Variants in SBK2 observed in about 807,000 individuals in gnomAD.
SBK2 encodes SH3 domain binding kinase family member 2.
SBK2 carries 18 observed loss-of-function variants against 15.9 expected under a neutral mutation model. That is an observed-to-expected ratio of 1.13 (90% CI 0.78 to 1.68). SBK2 has a LOEUF of 1.68. Among genes scored for constraint, SBK2 ranks in the 40% most tolerant of loss-of-function variants. The pLI is 0.00. For synonymous variants in SBK2, 284 were observed against 246.8 expected, an observed-to-expected ratio of 1.15 and a Z score of -1.41; for missense variants, 581 against 510.9, an observed-to-expected ratio of 1.14 and a Z score of -1.32.
Position 55,530,015 on chromosome 19 carries a change from G to A in SBK2, c.765C>T (p.Cys255=), listed in dbSNP as rs1277130097. Residue 255 remains cysteine, a synonymous_variant, in exon 4 of 4, where the codon TGC becomes TGT. Transcript: ENST00000413299. The stretch of plus-strand genomic sequence containing the variant: ...CCCAGGGGAAGTAGCCCGTGAGGAG[G>A]CAGAAGAGCAGGACGCCCAGCGCCC... ...DAWALGVLLF[C]LLTGYFPWDR... The A allele has an allele frequency of 1.3e-6, 2 of 1,514,348 alleles. No homozygotes were observed. Among genetic ancestry groups the A allele is most frequent in the African/African-American group, 1.4e-5 (1 of 70,284 alleles). The allele number at this position is 1,514,348 out of a possible 1,614,324, so 93.8% of individuals were successfully genotyped here.
intron 2 of SBK2, among the ~76,000 whole-genome samples, chr19:55,534,900 C>T (rs1159222785): frequency 1.3e-5 from 2 of 151,670 alleles, no homozygotes; most frequent in Non-Finnish European, 2.9e-5. Context: ...TGGCATGCAC[C>T]TGTAATCCCA....
In SBK2 at chr19:55,528,908, T is replaced by G. The variant is rs933377198; in HGVS notation, c.*825A>C. ...CAAAATAACCACAAAAAATAAGCCA[T>G]GCAGTTAGAAGAGGATACACGTCCT... On this transcript the variant is annotated 3_prime_UTR_variant, in exon 4 of 4. Transcript: ENST00000413299. 6.6e-6 allele frequency among the ~76,000 whole-genome samples: 1 copy of G among 152,122 alleles called. No homozygotes were observed. The highest frequency in any genetic ancestry group is 1.5e-5 in the Non-Finnish European group (1 of 68,030).
In SBK2 at chr19:55,531,317, C is replaced by G. The variant is rs780677570; in HGVS notation, c.282G>C (p.Pro94=). The change falls in exon 3 of 4, where the codon CCG becomes CCC. Residue 94 remains proline (P), a synonymous_variant. Transcript: ENST00000413299. ...AGCCACGGAGGGACGTGCGGGGTTT[C>G]GGGAGCTGCTTCAGTGCCAGGGGTG... ...KGTPLALKQL[P]KPRTSLRGFL... is the part of the protein sequence containing the mutation. 60 of 1,610,448 alleles carry G rather than the reference C, an allele frequency of 3.7e-5. No homozygotes were observed. The East Asian group carries it at 1.3e-3, about 36-fold the overall frequency.
Position 55,531,298 on chromosome 19 carries a change from G to A in SBK2, c.301C>T (p.Arg101Cys), listed in dbSNP as rs368137543. The change falls in exon 3 of 4, where the codon CGT becomes TGT. Residue 101 changes from arginine (R) to cysteine (C), a missense_variant. Arg to Cys is a radical substitution (Grantham distance 180, BLOSUM62 -3). Coordinates refer to ENST00000413299, the MANE Select transcript of SBK2 (RefSeq NM_001370096.2). ...ACACAGAACTCGTACAGGAAGCCAC[G>A]GAGGGACGTGCGGGGTTTCGGGAGC... ...KQLPKPRTSL[R>C]GFLYEFCVGL... The A allele has an allele frequency of 1.2e-5, 20 of 1,613,064 alleles. No individual in the cohort carries two copies. The African/African-American group carries it at 1.6e-4, about 13-fold the overall frequency.
intron 1 of SBK2, 33 bp from the exon 2 acceptor site, chr19:55,536,329 G>A (rs1227556312): frequency 7.1e-7 from 1 of 1,411,952 alleles, no homozygotes; most frequent in East Asian, 2.8e-5. Flanking sequence ...CCAGGCTCAG[G>A]TCCCAGGCCC....
intron 2 of SBK2, 147 bp downstream of exon 2, chr19:55,535,895 A>G: frequency 3.7e-6 from 3 of 804,122 alleles, no homozygotes; most frequent in Non-Finnish European, 5.2e-6. Flanking sequence ...CCAACCAACC[A>G]AAAGAACAAA....
chr19:55,536,011 C>A, intron 2 of SBK2, 31 bp downstream of exon 2: 1 of 1,425,656 alleles, frequency 7.0e-7, no homozygotes, highest in Non-Finnish European at 9.2e-7. Flanking sequence ...CCCAGCTGAA[C>A]CCTGCCACCT....
intron 2 of SBK2, among the ~76,000 whole-genome samples, chr19:55,531,952 C>G (rs373254072): frequency 7.3e-6 from 1 of 137,448 alleles, no homozygotes; most frequent in South Asian, 2.5e-4. Context: ...GCACTCCAGC[C>G]TGGGGGACAG....
rs772810854 is a variant in SBK2, at chr19:55,528,613, T to C, written c.*1120A>G. Among the ~76,000 whole-genome samples the C allele has an allele frequency of 5.3e-5, 8 of 152,282 alleles. No homozygotes were observed. The South Asian group carries it at 8.3e-4, about 16-fold the overall frequency. Reference sequence around the variant, plus strand: ...ACAGACTCGCAGCAGCACTGGGATCTGAGCGCCAGATGGAGTTTATTTGCA... The same window carrying C: ...ACAGACTCGCAGCAGCACTGGGATCCGAGCGCCAGATGGAGTTTATTTGCA... On this transcript the variant is annotated 3_prime_UTR_variant, in exon 4 of 4. Transcript: ENST00000413299.
At chr19:55,535,872 G>A (rs2123481932) in intron 2 of SBK2, among the ~76,000 whole-genome samples, 170 bp downstream of exon 2, 1 of 152,324 alleles carries the variant, frequency 6.6e-6, no homozygotes, top group East Asian at 1.9e-4. Context: ...GAGCCAGACT[G>A]TCTCAAAAAC....
At chr19:55,533,776 G>A (rs1018352700) in intron 2 of SBK2, among the ~76,000 whole-genome samples, 5 of 151,090 alleles carry the variant, frequency 3.3e-5, no homozygotes, top group Non-Finnish European at 7.4e-5. Context: ...TCTCTTCTGC[G>A]TGTTCACAGC....
Position 55,530,295 on chromosome 19 carries a change from C to A in SBK2, c.485G>T (p.Arg162Leu). 1.4e-6 allele frequency: 2 copies of A among 1,431,242 alleles called. No homozygotes were observed. Among genetic ancestry groups the A allele is most frequent in the Non-Finnish European group, 1.8e-6 (2 of 1,091,904 alleles). The allele number at this position is 1,431,242 out of a possible 1,614,324, so 88.7% of individuals were successfully genotyped here. The change falls in exon 4 of 4, where the codon CGC becomes CTC. Residue 162 changes from arginine to leucine, a missense_variant. By Grantham distance (102) the Arg-to-Leu change is moderately radical. Coordinates refer to ENST00000413299, the MANE Select transcript of SBK2 (RefSeq NM_001370096.2). The stretch of plus-strand genomic sequence containing the variant: ...GGCGGAGGCCAGCTGGGCGGCGCAG[C>A]GGTGCACCGCGGGCTGCGGGAGGCC... ...KVGLPQPAVH[R>L]CAAQLASALE... is the part of the protein sequence containing the mutation.
Position 55,531,275 on chromosome 19 carries a change from A to G in SBK2, c.324T>C (p.Cys108=). The change falls in exon 3 of 4, where the codon TGT becomes TGC. Residue 108 remains cysteine (C), a synonymous_variant. Transcript: ENST00000413299. ...AGTGCGCGCCCAGCGAGAGCCCCAC[A>G]CAGAACTCGTACAGGAAGCCACGGA... is the stretch of plus-strand genomic sequence containing the variant. ...TSLRGFLYEF[C]VGLSLGAHSA... The G allele has an allele frequency of 6.2e-7, 1 of 1,613,728 alleles. No homozygotes were observed. Among genetic ancestry groups the G allele is most frequent in the Non-Finnish European group, 8.5e-7 (1 of 1,179,926 alleles).
chr19:55,530,553 T>C lies in SBK2; in HGVS notation c.457-230A>G, dbSNP rs1218616684. Among the ~76,000 whole-genome samples, 35 of 19,542 alleles carry C rather than the reference T, an allele frequency of 1.8e-3. 1 individual carries two copies. Among genetic ancestry groups the C allele is most frequent in the African/African-American group, 2.9e-3 (32 of 11,134 alleles). 12.8% of individuals were successfully genotyped at this position (19,542 alleles called of 152,430 possible). ...GGGTTTAGTGGGGCCTAGTGTGACC[T>C]GTGAGGCCTGTGGGTTTAGTGTGGC... On this transcript the variant is annotated intron_variant, in intron 3 of 3. Coordinates refer to ENST00000413299, the MANE Select transcript of SBK2 (RefSeq NM_001370096.2).
intron 2 of SBK2, among the ~76,000 whole-genome samples, chr19:55,533,122 G>A (rs1875055382): frequency 6.6e-6 from 1 of 152,132 alleles, no homozygotes; most frequent in African/African-American, 2.4e-5. Flanking sequence ...CTTGAGGTCA[G>A]GAGTTCGAGA....
At chr19:55,534,385 C>T (rs2123480258) in intron 2 of SBK2, among the ~76,000 whole-genome samples, 1 of 152,194 alleles carries the variant, frequency 6.6e-6, no homozygotes, top group South Asian at 2.1e-4. Flanking sequence ...TGATCTCGGG[C>T]TTCCAGCCTC....
At position 55,530,231 on chromosome 19, in the gene SBK2, G is replaced by T; in HGVS notation, c.549C>A (p.Asp183Glu). 1 of 1,532,230 alleles carries T rather than the reference G, an allele frequency of 6.5e-7. No homozygotes were observed. The allele number at this position is 1,532,230 out of a possible 1,614,324, so 94.9% of individuals were successfully genotyped here. Residue 183 changes from aspartate (D) to glutamate (E), a missense_variant, in exon 4 of 4, where the codon GAC (aspartate) becomes GAA (glutamate). Asp to Glu is a conservative substitution (Grantham distance 45). Coordinates refer to ENST00000413299, the MANE Select transcript of SBK2 (RefSeq NM_001370096.2). ...YIHARGLVYR[D>E]LKPENVLVCD... ...ACACCAGGACGTTCTCCGGCTTCAG[G>T]TCCCGGTACACCAGGCCGCGGGCGT...
chr19:55,530,857 G>T (rs1351693055), intron 3 of SBK2, among the ~76,000 whole-genome samples: 1 of 152,084 alleles, frequency 6.6e-6, no homozygotes, highest in East Asian at 1.9e-4. Flanking sequence ...GTTAAGCGGG[G>T]CCTCGGGTGA....
chr19:55,530,009 G>A lies in SBK2; in HGVS notation c.771C>T (p.Leu257=). The part of the protein sequence containing the change: ...WALGVLLFCL[L]TGYFPWDRPL... Reference sequence around the variant, plus strand: ...GCCGGTCCCAGGGGAAGTAGCCCGTGAGGAGGCAGAAGAGCAGGACGCCCA... The same window carrying A: ...GCCGGTCCCAGGGGAAGTAGCCCGTAAGGAGGCAGAAGAGCAGGACGCCCA... The change falls in exon 4 of 4, where the codon CTC becomes CTT. Residue 257 remains leucine (L), a synonymous_variant. Transcript: ENST00000413299. 6.6e-7 allele frequency: 1 copy of A among 1,519,618 alleles called. No individual in the cohort carries two copies. Among genetic ancestry groups the A allele is most frequent in the Non-Finnish European group, 8.8e-7 (1 of 1,136,216 alleles). 94.1% of individuals were successfully genotyped at this position (1,519,618 alleles called of 1,614,324 possible). A position where few individuals can be genotyped will look rare whatever the true frequency, so the allele number is the denominator to read the frequency against.
Sources: gnomAD v4.1 joint callset for allele counts (sites outside exome capture counted in the v4.1 genomes callset) on GRCh38, gnomAD v4.1.1 for gene constraint, MANE v1.5 for transcripts, NCBI Gene and HGNC (gene_info 2026-07-23, HGNC 2026-07-21) for gene names.